The following SLC26A3 variants were observed in gnomAD, a reference collection of about 807,000 sequenced individuals.
SLC26A3 encodes the protein chloride anion exchanger.
In SLC26A3, 64 loss-of-function variants were observed where a neutral mutation model predicts 85.6. The ratio of observed to expected loss-of-function variants is 0.75; its 90% CI spans 0.61 to 0.92. The LOEUF is 0.92. Among genes scored for constraint, SLC26A3 ranks in the 40% least tolerant of loss-of-function variants. The pLI is 0.00. For synonymous variants in SLC26A3, 349 were observed against 336.0 expected (o/e 1.04, Z -0.42); for missense variants, 922 against 927.3 (o/e 0.99, Z 0.07).
At chr7:107,773,634 G>A (rs886796482) in intron 17 of SLC26A3, among the ~76,000 whole-genome samples, 1 of 152,088 alleles carries the variant, frequency 6.6e-6, no homozygotes, top group African/African-American at 2.4e-5. Context: ...CACTGCAATT[G>A]CCACCTCCCA....
intron 1 of SLC26A3, among the ~76,000 whole-genome samples, chr7:107,802,787 T>G (rs1449499816): frequency 1.3e-5 from 2 of 148,432 alleles, no homozygotes; most frequent in Non-Finnish European, 3.0e-5. Flanking sequence ...AGACAATCTA[T>G]CTATAAAGTC....
chr7:107,783,024 G>A lies in SLC26A3; in HGVS notation c.1189C>T (p.Leu397Phe). 1.9e-6 allele frequency: 3 copies of A among 1,614,190 alleles called. No homozygotes were observed. The highest frequency in any genetic ancestry group is 2.5e-6 in the Non-Finnish European group (3 of 1,180,006). ...VFRGFAGSTA[L>F]SRSAVQESTG... is the part of the protein sequence containing the mutation. ...CTCTCCTGAACTGCTGATCTGGAGA[G>A]GGCAGTACTCCCAGCAAATCCTCTG... Residue 397 changes from leucine to phenylalanine, a missense_variant, in exon 10 of 21, where the codon CTC (leucine) becomes TTC (phenylalanine). Physicochemically the swap from Leu to Phe is conservative, Grantham distance 22 (BLOSUM62 0). Transcript: ENST00000340010.
At chr7:107,801,861 C>A (rs1794602718) in intron 1 of SLC26A3, among the ~76,000 whole-genome samples, 1 of 150,574 alleles carries the variant, frequency 6.6e-6, no homozygotes, top group Non-Finnish European at 1.5e-5. Flanking sequence ...GGGAGGATCA[C>A]CTGAGGTCAG....
intron 11 of SLC26A3, among the ~76,000 whole-genome samples, chr7:107,782,283 A>T (rs1187079407): frequency 6.6e-6 from 1 of 152,202 alleles, no homozygotes; most frequent in African/African-American, 2.4e-5. Context: ...TCAAGCTTAT[A>T]GGCAGAGGAG....
At position 107,793,830 on chromosome 7, in the gene SLC26A3, T is replaced by C. The variant is rs764139096; in HGVS notation, c.183A>G (p.Ala61=). 17 of 1,614,078 alleles carry C rather than the reference T, an allele frequency of 1.1e-5. No individual in the cohort carries two copies. The highest frequency in any genetic ancestry group is 1.4e-5 in the Non-Finnish European group (17 of 1,179,980). The stretch of plus-strand genomic sequence containing the variant: ...TAAGCCGGTATGCTGGCAACCAAGA[T>C]GCTATGGGGAACAAAGAGAGGACAA... The part of the protein sequence containing the change: ...KRIVLSLFPI[A]SWLPAYRLKE... The change falls in exon 3 of 21, where the codon GCA becomes GCG. Residue 61 remains alanine (A), a synonymous_variant. Coordinates refer to ENST00000340010, the MANE Select transcript of SLC26A3 (RefSeq NM_000111.3).
At chr7:107,776,935 C>G (rs754624390) in intron 13 of SLC26A3, among the ~76,000 whole-genome samples, 8 of 152,206 alleles carry the variant, frequency 5.3e-5, no homozygotes, top group Non-Finnish European at 8.8e-5. Flanking sequence ...TTACAGTTTA[C>G]AAAGCACTCC....
rs199527977 is a variant in SLC26A3 at position 107,769,406 on chromosome 7, T to TA, written c.2063-1499dup. ...ACTATATAAAAACATATAAAAAAAT[T>TA]AAAAAAAAACAATATCCTTTGCAGG... On this transcript the variant is annotated intron_variant, in intron 18 of 20. Coordinates refer to ENST00000340010, the MANE Select transcript of SLC26A3 (RefSeq NM_000111.3). Among the ~76,000 whole-genome samples, 1,403 of 150,816 alleles carry TA rather than the reference T, an allele frequency of 9.3e-3. 24 individuals are homozygous for TA. Among genetic ancestry groups the TA allele is most frequent in the African/African-American group, 0.031 (1,274 of 41,070 alleles).
Position 107,797,740 on chromosome 7 carries a change from C to CTTTTTTTTTTTTTTT in SLC26A3, c.-88-3144_-88-3143insAAAAAAAAAAAAAAA, listed in dbSNP as rs375903590. On this transcript the variant is annotated intron_variant, in intron 1 of 20. Transcript: ENST00000340010. ...CATTTCTGAGATTCTTGAGCAGGAC[C>CTTTTTTTTTTTTTTT]TTTTTTTTTTGAGACGGAGTCTTGC... 5.0e-4 allele frequency among the ~76,000 whole-genome samples: 64 copies of CTTTTTTTTTTTTTTT among 127,418 alleles called. 4 individuals are homozygous for CTTTTTTTTTTTTTTT. Among genetic ancestry groups the CTTTTTTTTTTTTTTT allele is most frequent in the African/African-American group, 7.5e-4 (23 of 30,554 alleles). 83.6% of individuals were successfully genotyped at this position (127,418 alleles called of 152,430 possible). A position where few individuals can be genotyped will look rare whatever the true frequency, so the allele number is the denominator to read the frequency against.
intron 2 of SLC26A3, 68 bp from the exon 3 acceptor site, chr7:107,793,949 G>T (rs932570244): frequency 2.5e-6 from 4 of 1,598,684 alleles, no homozygotes; most frequent in Non-Finnish European, 2.6e-6. Context: ...CTGTCGGTGG[G>T]AAATTGGTAA....
chr7:107,795,807 T>C (rs966051275), intron 1 of SLC26A3, among the ~76,000 whole-genome samples: 1 of 152,174 alleles, frequency 6.6e-6, no homozygotes, highest in South Asian at 2.1e-4. Flanking sequence ...CAGTGATTAA[T>C]TGAATTATCT....
At chr7:107,774,216 T>A (rs1584402593) in intron 16 of SLC26A3, 63 bp from the exon 17 acceptor site, 3 of 1,284,298 alleles carry the variant, frequency 2.3e-6, no homozygotes, top group Middle Eastern at 3.8e-4. Context: ...ATGTCAGAGA[T>A]AGCCAGTGAG....
At chr7:107,769,857 C>T (rs908505072) in intron 18 of SLC26A3, among the ~76,000 whole-genome samples, 2 of 152,056 alleles carry the variant, frequency 1.3e-5, no homozygotes, top group Admixed American at 6.6e-5. Context: ...TGTCTCCTCT[C>T]CCTAAAAAGC....
At chr7:107,790,663 G>GA (rs1794380757) in intron 5 of SLC26A3, among the ~76,000 whole-genome samples, 1 of 152,018 alleles carries the variant, frequency 6.6e-6, no homozygotes, top group Non-Finnish European at 1.5e-5. Flanking sequence ...AAGAATTAAA[G>GA]AAAAAAATTC....
intron 1 of SLC26A3, 128 bp from the exon 2 acceptor site, chr7:107,794,725 A>G (rs1255978640): frequency 1.8e-6 from 1 of 556,100 alleles, no homozygotes; most frequent in Non-Finnish European, 3.2e-6. Context: ...AGGGACCTAG[A>G]TTGTGTTTTG....
At chr7:107,786,748 T>C in intron 8 of SLC26A3, 79 bp downstream of exon 8, 1 of 1,212,930 alleles carries the variant, frequency 8.2e-7, no homozygotes, top group Non-Finnish European at 1.2e-6. Context: ...TGAACTGCAG[T>C]TCGGATTGTA....
At chr7:107,776,836 GC>G in intron 13 of SLC26A3, 130 bp from the exon 14 acceptor site, 1 of 808,662 alleles carries the variant, frequency 1.2e-6, no homozygotes, top group Admixed American at 2.0e-5. Flanking sequence ...GAATCATCAT[GC>G]CATCAGAGAC....
chr7:107,794,231 G>T, intron 2 of SLC26A3, 148 bp downstream of exon 2: 1 of 907,110 alleles, frequency 1.1e-6, no homozygotes, highest in Non-Finnish European at 1.7e-6. Flanking sequence ...TTCCAACTCT[G>T]TCAGGGAGTA....
chr7:107,770,181 T>TGATTTGAGAC (rs1794001136), intron 18 of SLC26A3, among the ~76,000 whole-genome samples: 1 of 55,844 alleles, frequency 1.8e-5, no homozygotes, highest in African/African-American at 1.3e-4. Flanking sequence ...TTTTTTTTTT[T>TGATTTGAGAC]AAAAAAAAAA....
intron 20 of SLC26A3, among the ~76,000 whole-genome samples, chr7:107,766,375 C>T (rs768755305): frequency 2.6e-5 from 4 of 152,112 alleles, no homozygotes; most frequent in Non-Finnish European, 5.9e-5. Flanking sequence ...TACTTGGTGA[C>T]AATTCTGAAT....
Sources: allele counts gnomAD v4.1 joint callset (sites outside exome capture counted in the v4.1 genomes callset), GRCh38; gene constraint gnomAD v4.1.1; transcripts MANE v1.5; gene names NCBI Gene and HGNC (gene_info 2026-07-23, HGNC 2026-07-21).